RFC1: variants seen among roughly 807,000 people sequenced by gnomAD.
The protein encoded by RFC1 is A1 140 kDa subunit.
RFC1 carries 37 observed loss-of-function variants against 137.4 expected under a neutral mutation model. That is an observed-to-expected ratio of 0.27 (90% confidence interval 0.21 to 0.35). RFC1 has a LOEUF of 0.35. Among genes scored for constraint, RFC1 ranks in the 10% least tolerant of loss-of-function variants. RFC1 has a pLI of 1.00. For synonymous variants in RFC1, 429 were observed against 455.7 expected (o/e 0.94, Z 0.75); for missense variants, 1,205 against 1,358.5 (o/e 0.89, Z 1.78).
chr4:39,293,167 C>A (rs1250495936), intron 22 of RFC1, among the ~76,000 whole-genome samples: 1 of 152,172 alleles, frequency 6.6e-6, no homozygotes, highest in East Asian at 1.9e-4. Context: ...TTAATTTCAT[C>A]CATTTCCTCT....
intron 22 of RFC1, among the ~76,000 whole-genome samples, chr4:39,293,320 T>C (rs990469185): frequency 6.6e-6 from 1 of 152,184 alleles, no homozygotes; most frequent in Non-Finnish European, 1.5e-5. Context: ...AATAGACTCA[T>C]AGAAAAGTCA....
At chr4:39,332,571 C>T (rs928301285) in intron 4 of RFC1, among the ~76,000 whole-genome samples, 2 of 152,142 alleles carry the variant, frequency 1.3e-5, no homozygotes, top group African/African-American at 4.8e-5. Context: ...AATGTTAATT[C>T]ACCTTCTTTC....
At chr4:39,333,118 T>C (rs1343999882) in intron 4 of RFC1, among the ~76,000 whole-genome samples, 1 of 152,236 alleles carries the variant, frequency 6.6e-6, no homozygotes, top group Non-Finnish European at 1.5e-5. Context: ...TATTTTTAAT[T>C]AACCATCTGG....
At chr4:39,352,310 G>GA (rs996480550) in intron 1 of RFC1, among the ~76,000 whole-genome samples, 4 of 151,800 alleles carry the variant, frequency 2.6e-5, no homozygotes, top group East Asian at 3.9e-4. Context: ...ACATCCTGAA[G>GA]AAAAAAAACC....
Position 39,300,399 on chromosome 4 carries a change from C to A in RFC1, c.2551G>T (p.Ala851Ser), listed in dbSNP as rs774401356. The A allele has an allele frequency of 2.5e-6, 4 of 1,613,954 alleles. No individual in the cohort carries two copies. Among genetic ancestry groups the A allele is most frequent in the Non-Finnish European group, 3.4e-6 (4 of 1,179,904 alleles). ...TCTCCAGCTGCAAACACTTTCCGGG[C>A]AACATCAAATGGGCCCTGAAAAAAG... Reference protein sequence around the residue: ...KDIKMGPFDVARKVFAAGEET... With the variant: ...KDIKMGPFDVSRKVFAAGEET... The change falls in exon 20 of 25, where the codon GCC becomes TCC. Residue 851 changes from alanine to serine, a missense_variant. Physicochemically the swap from Ala to Ser is moderately conservative, Grantham distance 99. Coordinates refer to ENST00000349703, the MANE Select transcript of RFC1 (RefSeq NM_002913.5).
Position 39,295,762 on chromosome 4 carries a change from GA to G in RFC1, c.2809-4del, listed in dbSNP as rs765914867. On this transcript the variant is annotated splice_region_variant and splice_polypyrimidine_tract_variant and intron_variant, in intron 21 of 24. Coordinates refer to ENST00000349703, the MANE Select transcript of RFC1 (RefSeq NM_002913.5). The stretch of plus-strand genomic sequence containing the variant: ...GGAAGAACACTGGCATAAATGGCCT[GA>G]AAAAAAATCAATTGCAGTCCAGAAT... The G allele has an allele frequency of 2.5e-6, 4 of 1,599,320 alleles. No homozygotes were observed. Among genetic ancestry groups the G allele is most frequent in the Middle Eastern group, 1.7e-4 (1 of 5,964 alleles).
intron 12 of RFC1, among the ~76,000 whole-genome samples, chr4:39,309,721 A>G (rs1738873541): frequency 6.6e-6 from 1 of 152,212 alleles, no homozygotes; most frequent in Non-Finnish European, 1.5e-5. Context: ...GGGTGAGGAA[A>G]ATGTTCTGGA....
rs1285098574 is a variant in RFC1 at position 39,311,224 on chromosome 4, G to C, written c.1488+221C>G. 3.3e-5 allele frequency among the ~76,000 whole-genome samples: 5 copies of C among 152,222 alleles called. No individual in the cohort carries two copies. In the South Asian group the frequency reaches 8.3e-4, roughly 25 times the overall value. On this transcript the variant is annotated intron_variant, in intron 12 of 24. Transcript: ENST00000349703. ...GTAGATATGTTATATGCAATATACT[G>C]TCCTTTCTCTACTCATATTCCCTGA...
At chr4:39,351,324 C>A in intron 2 of RFC1, 24 bp downstream of exon 2, 6 of 1,272,928 alleles carry the variant, frequency 4.7e-6, no homozygotes, top group South Asian at 4.5e-5. Flanking sequence ...TCATTCAATG[C>A]AAAATTATAC....
intron 1 of RFC1, chr4:39,365,353 A>C: frequency 1.9e-6 from 1 of 524,602 alleles, no homozygotes; most frequent in Non-Finnish European, 2.4e-6. Flanking sequence ...CACGTTGACC[A>C]ATGATTGAAA....
At chr4:39,296,108 T>A (rs1358542218) in intron 21 of RFC1, among the ~76,000 whole-genome samples, 3 of 152,156 alleles carry the variant, frequency 2.0e-5, no homozygotes, top group Admixed American at 2.0e-4. Flanking sequence ...GTCTTTAACA[T>A]AAATGACTGA....
intron 10 of RFC1, among the ~76,000 whole-genome samples, chr4:39,316,500 A>T (rs1739247388): frequency 6.6e-6 from 1 of 152,022 alleles, no homozygotes; most frequent in South Asian, 2.1e-4. Context: ...TCTCCATTTA[A>T]ATGTCACATT....
chr4:39,338,513 T>C (rs1740463511), intron 4 of RFC1, among the ~76,000 whole-genome samples: 1 of 152,188 alleles, frequency 6.6e-6, no homozygotes, highest in Non-Finnish European at 1.5e-5. Context: ...TAATTTTAAC[T>C]GTATATTTTA....
chr4:39,307,208 C>A (rs1738715317), intron 13 of RFC1, among the ~76,000 whole-genome samples: 1 of 152,178 alleles, frequency 6.6e-6, no homozygotes, highest in South Asian at 2.1e-4. Context: ...AGCATAGTAG[C>A]TACATGGTCA....
intron 3 of RFC1, among the ~76,000 whole-genome samples, chr4:39,343,854 G>A (rs972069932): frequency 1.3e-5 from 2 of 152,172 alleles, no homozygotes; most frequent in African/African-American, 4.8e-5. Context: ...GCTCATGCCT[G>A]TAATCCCGAC....
intron 2 of RFC1, among the ~76,000 whole-genome samples, 175 bp downstream of exon 2, chr4:39,351,173 C>T (rs1419878566): frequency 7.2e-6 from 1 of 138,724 alleles, no homozygotes; most frequent in Admixed American, 8.0e-5. Context: ...ATGGCATGAA[C>T]CCAGGAGGCG....
At chr4:39,315,647 C>T (rs551271548) in intron 10 of RFC1, among the ~76,000 whole-genome samples, 2 of 152,340 alleles carry the variant, frequency 1.3e-5, no homozygotes, top group African/African-American at 2.4e-5. Flanking sequence ...TGCCACCAAT[C>T]GCATGATCCA....
At chr4:39,310,374 C>T (rs80355622) in intron 12 of RFC1, among the ~76,000 whole-genome samples, 4 of 152,208 alleles carry the variant, frequency 2.6e-5, no homozygotes, top group Non-Finnish European at 5.9e-5. Flanking sequence ...GTTAACAATA[C>T]GGCATCAATG....
rs200654181 is a variant in RFC1 at position 39,316,944 on chromosome 4, T to C, written c.1174A>G (p.Lys392Glu). ...GGTATTTCTTTGGAGCCCAGAGCCTTGGGACCTTCTCGATTTAAGTAGCTT... is the reference window on the plus strand; with the variant it reads ...GGTATTTCTTTGGAGCCCAGAGCCTCGGGACCTTCTCGATTTAAGTAGCTT... ...YRSYLNREGPKALGSKEIPKG... is the reference protein window; with the variant it reads ...YRSYLNREGPEALGSKEIPKG... Residue 392 changes from lysine to glutamate, a missense_variant, in exon 10 of 25, where the codon AAG (lysine) becomes GAG (glutamate). By Grantham distance (56) the Lys-to-Glu change is moderately conservative. Coordinates refer to ENST00000349703, the MANE Select transcript of RFC1 (RefSeq NM_002913.5). 2.5e-6 allele frequency: 4 copies of C among 1,613,982 alleles called. No homozygotes were observed. The highest frequency in any genetic ancestry group is 3.4e-6 in the Non-Finnish European group (4 of 1,179,836).
Sources: gnomAD v4.1 joint callset for allele counts (sites outside exome capture counted in the v4.1 genomes callset) on GRCh38, gnomAD v4.1.1 for gene constraint, MANE v1.5 for transcripts, NCBI Gene and HGNC (gene_info 2026-07-23, HGNC 2026-07-21) for gene names.